ALDH1A1: variants seen among roughly 807,000 people sequenced by gnomAD.
ALDH1A1 encodes aldehyde dehydrogenase 1 family member A1, also known as aldehyde dehydrogenase 1A1.
Under a neutral mutation model 62.1 loss-of-function variants are expected in ALDH1A1, and 19 were observed. That is an observed-to-expected ratio of 0.31 (90% CI 0.21 to 0.45). The LOEUF is 0.45. Among genes scored for constraint, ALDH1A1 ranks in the 20% least tolerant of loss-of-function variants. The pLI, the probability that ALDH1A1 is intolerant of heterozygous loss-of-function variation, is 1.00. For missense variants in ALDH1A1, 521 were observed against 607.1 expected (o/e 0.86, Z 1.49); for synonymous variants, 231 against 215.9 (o/e 1.07, Z -0.61).
rs150630972 is a variant in ALDH1A1 at position 72,940,214 on chromosome 9, G to T, written c.105C>A (p.Gly35=). ...CAGGATTAAAGACAGGAAATTTCTTGCCACTCACTGAATCATGCCATTCAT... is the reference window on the plus strand; with the variant it reads ...CAGGATTAAAGACAGGAAATTTCTTTCCACTCACTGAATCATGCCATTCAT... The part of the protein sequence containing the change: ...INNEWHDSVS[G]KKFPVFNPAT... The change falls in exon 2 of 13, where the codon GGC becomes GGA. Residue 35 remains glycine (G), a synonymous_variant. Transcript: ENST00000297785. 708 of 1,613,654 alleles carry T rather than the reference G, an allele frequency of 4.4e-4. 7 individuals carry two copies. In the African/African-American group the frequency reaches 8.6e-3, roughly 20 times the overall value.
chr9:72,944,842 T>G (rs1487972271), intron 1 of ALDH1A1, among the ~76,000 whole-genome samples: 3 of 152,124 alleles, frequency 2.0e-5, no homozygotes, highest in Non-Finnish European at 4.4e-5. Flanking sequence ...AAAGTAGACA[T>G]CAACCTTCTG....
In ALDH1A1 at chr9:72,924,127, C is replaced by T. The variant is rs1830176251; in HGVS notation, c.639G>A (p.Gly213=). ...LHVASLIKEA[G]FPPGVVNIVP... ...CAATATTCACTACTCCAGGAGGAAA[C>T]CCTGCCTAAAAGATAAAAAGTTTAA... Residue 213 remains glycine, a synonymous_variant, in exon 7 of 13, where the codon GGG becomes GGA. Coordinates refer to ENST00000297785, the MANE Select transcript of ALDH1A1 (RefSeq NM_000689.5). 3 of 1,599,446 alleles carry T rather than the reference C, an allele frequency of 1.9e-6. No individual in the cohort carries two copies. Among genetic ancestry groups the T allele is most frequent in the Non-Finnish European group, 2.6e-6 (3 of 1,174,476 alleles).
At chr9:72,942,764 C>T (rs1296875332) in intron 1 of ALDH1A1, among the ~76,000 whole-genome samples, 3 of 152,132 alleles carry the variant, frequency 2.0e-5, no homozygotes, top group Non-Finnish European at 4.4e-5. Flanking sequence ...TCACACTGTT[C>T]TTTAGACTAG....
chr9:72,932,380 A>G (rs2118549327), intron 2 of ALDH1A1, among the ~76,000 whole-genome samples: 1 of 152,276 alleles, frequency 6.6e-6, no homozygotes, highest in South Asian at 2.1e-4. Context: ...TATTCAATCA[A>G]GAAGACCCAC....
intron 11 of ALDH1A1, among the ~76,000 whole-genome samples, chr9:72,909,333 T>C (rs556239731): frequency 1.3e-5 from 2 of 151,834 alleles, no homozygotes; most frequent in African/African-American, 4.8e-5. Flanking sequence ...TTTGTATTTT[T>C]AGTAGACATG....
chr9:72,949,618 G>A (rs1830514176), intron 1 of ALDH1A1, among the ~76,000 whole-genome samples: 1 of 150,658 alleles, frequency 6.6e-6, no homozygotes, highest in African/African-American at 2.5e-5. Flanking sequence ...GGCAGAGTAA[G>A]CACAATAAAT....
At chr9:72,946,296 G>A (rs538113106) in intron 1 of ALDH1A1, among the ~76,000 whole-genome samples, 39 of 152,012 alleles carry the variant, frequency 2.6e-4, no homozygotes, top group African/African-American at 6.7e-4. Context: ...AAAAAGTATC[G>A]ATAGAGCAGT....
chr9:72,942,057 T>C (rs569106687), intron 1 of ALDH1A1, among the ~76,000 whole-genome samples: 26 of 152,134 alleles, frequency 1.7e-4, no homozygotes, highest in Non-Finnish European at 2.8e-4. Flanking sequence ...ATGAAGACCA[T>C]AAAATTCATT....
chr9:72,908,545 A>AAG (rs1829918519), intron 11 of ALDH1A1, among the ~76,000 whole-genome samples: 87 of 63,394 alleles, frequency 1.4e-3, no homozygotes, highest in Non-Finnish European at 2.3e-3. Context: ...GAAAGAAAGA[A>AAG]AAGAAAGAAG....
chr9:72,925,753 T>C, intron 5 of ALDH1A1, 141 bp from the exon 6 acceptor site: 8 of 935,342 alleles, frequency 8.6e-6, no homozygotes, highest in Non-Finnish European at 1.2e-5. Context: ...TTATACTTCA[T>C]TGCTAAAAGC....
At chr9:72,932,080 A>G (rs1830288094) in intron 2 of ALDH1A1, among the ~76,000 whole-genome samples, 1 of 152,206 alleles carries the variant, frequency 6.6e-6, no homozygotes, top group Admixed American at 6.5e-5. Context: ...CTTACAGAAC[A>G]TACCTACTAC....
In ALDH1A1 at chr9:72,906,777, C is replaced by T. The variant is rs8187982; in HGVS notation, c.1359-745G>A. ...GCAAAATCTAATTATTTACCTGATT[C>T]TCATTATACGCAAGAGAAAAACACT... is the stretch of plus-strand genomic sequence containing the variant. On this transcript the variant is annotated intron_variant, in intron 11 of 12. Coordinates refer to ENST00000297785, the MANE Select transcript of ALDH1A1 (RefSeq NM_000689.5). Among the ~76,000 whole-genome samples, 104 of 152,254 alleles carry T rather than the reference C, an allele frequency of 6.8e-4. 3 individuals are homozygous for T. In the South Asian group the frequency reaches 0.021, roughly 30 times the overall value.
chr9:72,951,098 G>A (rs1175148728), intron 1 of ALDH1A1, among the ~76,000 whole-genome samples: 1 of 151,940 alleles, frequency 6.6e-6, no homozygotes, highest in Non-Finnish European at 1.5e-5. Context: ...TCACTGACTT[G>A]TTTGGAGTAT....
chr9:72,903,780 T>A (rs760834643), intron 12 of ALDH1A1, among the ~76,000 whole-genome samples: 9 of 152,100 alleles, frequency 5.9e-5, no homozygotes, highest in Non-Finnish European at 1.3e-4. Flanking sequence ...TTCAACGAAA[T>A]TGACATGTTT....
chr9:72,928,084 G>A (rs2118538787), intron 4 of ALDH1A1, among the ~76,000 whole-genome samples: 1 of 151,152 alleles, frequency 6.6e-6, no homozygotes, highest in African/African-American at 2.4e-5. Context: ...GTACCACCGA[G>A]GTCTTACTCT....
rs8187934 is a variant in ALDH1A1 at position 72,924,196 on chromosome 9, G to A, written c.634-64C>T. 1,406 of 1,190,804 alleles carry A rather than the reference G, an allele frequency of 1.2e-3. 21 individuals carry two copies. The African/African-American group carries it at 0.02, about 17-fold the overall frequency. 73.8% of individuals were successfully genotyped at this position (1,190,804 alleles called of 1,614,324 possible). A position where few individuals can be genotyped will look rare whatever the true frequency, so the allele number is the denominator to read the frequency against. On this transcript the variant is annotated intron_variant, in intron 6 of 12. Coordinates refer to ENST00000297785, the MANE Select transcript of ALDH1A1 (RefSeq NM_000689.5). Reference sequence around the variant, plus strand: ...TTAATTCAAAAAGGAGGAGAGTAGGGGATTGAGATTGTCTCTTAATGCCAA... The same window carrying A: ...TTAATTCAAAAAGGAGGAGAGTAGGAGATTGAGATTGTCTCTTAATGCCAA...
In ALDH1A1 at chr9:72,930,866, G is replaced by T. The variant is rs199790325; in HGVS notation, c.312+13C>A. On this transcript the variant is annotated intron_variant, in intron 3 of 12. Coordinates refer to ENST00000297785, the MANE Select transcript of ALDH1A1 (RefSeq NM_000689.5). ...AGAGCTCTAGCTACCCATCCAGCTT[G>T]GATAATACTCACCGCCAGCAGCAGA... 4.3e-6 allele frequency: 7 copies of T among 1,613,702 alleles called. No individual in the cohort carries two copies. The Admixed American group carries it at 6.7e-5, about 15-fold the overall frequency.
chr9:72,908,514 A>C (rs1162813894), intron 11 of ALDH1A1, among the ~76,000 whole-genome samples: 1 of 99,582 alleles, frequency 1.0e-5, no homozygotes, highest in Admixed American at 9.4e-5. Context: ...GACGAAAGAA[A>C]GAAAGAAAGA....
chr9:72,914,523 A>G (rs905721351), intron 9 of ALDH1A1, among the ~76,000 whole-genome samples: 1 of 152,172 alleles, frequency 6.6e-6, no homozygotes, highest in African/African-American at 2.4e-5. Context: ...CTGTAACTCC[A>G]AAGTCCATCT....
Sources: gnomAD v4.1 joint callset for allele counts (sites outside exome capture counted in the v4.1 genomes callset) on GRCh38, gnomAD v4.1.1 for gene constraint, MANE v1.5 for transcripts, NCBI Gene and HGNC (gene_info 2026-07-23, HGNC 2026-07-21) for gene names.